BPNT1: variants seen among roughly 807,000 people sequenced by gnomAD.
The protein encoded by BPNT1 is 3'(2'),5'-bisphosphate nucleotidase 1.
A neutral mutation model predicts 36.9 loss-of-function variants in BPNT1; 28 were observed. The ratio of observed to expected loss-of-function variants is 0.76; its 90% CI spans 0.56 to 1.04. The LOEUF (loss-of-function observed/expected upper bound fraction) is 1.04. Among genes scored for constraint, BPNT1 ranks in the 50% least tolerant of loss-of-function variants. The pLI is 0.00. For missense variants in BPNT1, 313 were observed against 372.9 expected (o/e 0.84, Z 1.32); for synonymous variants, 119 against 130.9 (o/e 0.91, Z 0.62).
chr1:220,059,690 C>A lies in BPNT1; in HGVS notation c.774G>T (p.Val258=). The change falls in exon 8 of 9, where the codon GTG becomes GTT. Residue 258 remains valine (V), a synonymous_variant. Coordinates refer to ENST00000322067, the MANE Select transcript of BPNT1 (RefSeq NM_006085.6). ...CCTCAAATAAAACAGACTAACCTCC[C>A]ACAGCATGTAAAATAACTTCTGGAG... ...TCAPEVILHA[V]GGKLTDIHGN... The A allele has an allele frequency of 6.2e-7, 1 of 1,604,116 alleles. No individual in the cohort carries two copies. Among genetic ancestry groups the A allele is most frequent in the Non-Finnish European group, 8.5e-7 (1 of 1,175,770 alleles).
intron 7 of BPNT1, among the ~76,000 whole-genome samples, chr1:220,060,693 A>G (rs1394592197): frequency 6.6e-6 from 1 of 151,992 alleles, no homozygotes; most frequent in African/African-American, 2.4e-5. Flanking sequence ...ATTTGAAGAG[A>G]TTTATTCTAA....
At chr1:220,069,274 T>C in intron 5 of BPNT1, 110 bp downstream of exon 5, 1 of 800,718 alleles carries the variant, frequency 1.2e-6, no homozygotes, top group East Asian at 2.8e-5. Context: ...GGGGTAAACA[T>C]AACACATGAT....
chr1:220,072,527 C>T (rs1664160197), intron 4 of BPNT1, among the ~76,000 whole-genome samples: 1 of 152,116 alleles, frequency 6.6e-6, no homozygotes, highest in African/African-American at 2.4e-5. Flanking sequence ...GTTGCCGAGT[C>T]TGGTCTCGAA....
chr1:220,068,972 G>C (rs1022164912), intron 5 of BPNT1, among the ~76,000 whole-genome samples: 2 of 152,182 alleles, frequency 1.3e-5, no homozygotes, highest in Non-Finnish European at 2.9e-5. Context: ...GCTATGAAAT[G>C]TGAAAGCAGT....
chr1:220,064,350 G>T (rs1027872149), intron 6 of BPNT1, among the ~76,000 whole-genome samples: 5 of 152,188 alleles, frequency 3.3e-5, no homozygotes, highest in African/African-American at 7.2e-5. Flanking sequence ...CGCAGGTTGG[G>T]TTCCCTGGGA....
At chr1:220,088,150 C>T (rs912725792) in intron 1 of BPNT1, among the ~76,000 whole-genome samples, 1 of 151,704 alleles carries the variant, frequency 6.6e-6, no homozygotes, top group African/African-American at 2.4e-5. Context: ...GGATTACAGG[C>T]GTGAGCCACC....
chr1:220,069,336 T>A (rs767756944), intron 5 of BPNT1, 48 bp downstream of exon 5: 1 of 1,390,208 alleles, frequency 7.2e-7, no homozygotes, highest in South Asian at 1.3e-5. Flanking sequence ...ACTAACATCA[T>A]ATCCTTGTCC....
chr1:220,060,678 A>T (rs557952796), intron 7 of BPNT1, among the ~76,000 whole-genome samples: 105 of 152,048 alleles, frequency 6.9e-4, no homozygotes, highest in African/African-American at 2.3e-3. Context: ...TTTTTTTTTA[A>T]AAATATTTGA....
At chr1:220,071,404 ATGTTTTAC>A (rs926791843) in intron 4 of BPNT1, among the ~76,000 whole-genome samples, 17 of 152,178 alleles carry the variant, frequency 1.1e-4, no homozygotes, top group Non-Finnish European at 2.9e-5. Context: ...TTACCAATGA[ATGTTTTAC>A]TAGCAAATCT....
At chr1:220,087,373 G>T (rs1055113306) in intron 1 of BPNT1, among the ~76,000 whole-genome samples, 2 of 152,040 alleles carry the variant, frequency 1.3e-5, no homozygotes, top group African/African-American at 4.8e-5. Flanking sequence ...TGACCAACTT[G>T]GTGAAACCCT....
At chr1:220,089,146 G>A (rs548625801) in intron 1 of BPNT1, among the ~76,000 whole-genome samples, 1 of 149,004 alleles carries the variant, frequency 6.7e-6, no homozygotes, top group Non-Finnish European at 1.5e-5. Context: ...GAAGGAGGAG[G>A]AAGAAGAAGA....
chr1:220,062,956 T>C lies in BPNT1; in HGVS notation c.475-2A>G. 2 of 1,614,056 alleles carry C rather than the reference T, an allele frequency of 1.2e-6. No individual in the cohort carries two copies. Among genetic ancestry groups the C allele is most frequent in the Non-Finnish European group, 1.7e-6 (2 of 1,179,948 alleles). ...CCCCAACACAGCATCTGGTCCTGCCTGTGTAAACGAGTGAAACAACAAGAC... is the reference window on the plus strand; with the variant it reads ...CCCCAACACAGCATCTGGTCCTGCCCGTGTAAACGAGTGAAACAACAAGAC... On this transcript the variant is annotated splice_acceptor_variant, in intron 6 of 8. Transcript: ENST00000322067. LOFTEE classifies it high-confidence loss of function.
In BPNT1 at chr1:220,089,319, T is replaced by G. The variant is rs547903256; in HGVS notation, c.-9+367A>C. Reference sequence around the variant, plus strand: ...CGTATCTTTTGAACCAACAATTATATTTACAGAGAAATCCAAATAAATCAC... The same window carrying G: ...CGTATCTTTTGAACCAACAATTATAGTTACAGAGAAATCCAAATAAATCAC... On this transcript the variant is annotated intron_variant, in intron 1 of 8. Coordinates refer to ENST00000322067, the MANE Select transcript of BPNT1 (RefSeq NM_006085.6). Among the ~76,000 whole-genome samples, 14 of 152,246 alleles carry G rather than the reference T, an allele frequency of 9.2e-5. No individual in the cohort carries two copies. In the South Asian group the frequency reaches 2.9e-3, roughly 32 times the overall value.
intron 1 of BPNT1, among the ~76,000 whole-genome samples, chr1:220,083,190 T>A (rs1219137786): frequency 1.4e-5 from 2 of 140,706 alleles, no homozygotes; most frequent in Admixed American, 1.4e-4. Flanking sequence ...TGGGCCGAGA[T>A]CGTGCCAGTG....
At chr1:220,070,050 A>G (rs1219338041) in intron 4 of BPNT1, among the ~76,000 whole-genome samples, 1 of 152,236 alleles carries the variant, frequency 6.6e-6, no homozygotes, top group Non-Finnish European at 1.5e-5. Context: ...ATCATGGTAC[A>G]GGAAAAACTT....
At chr1:220,068,974 G>A (rs1259793399) in intron 5 of BPNT1, among the ~76,000 whole-genome samples, 1 of 152,204 alleles carries the variant, frequency 6.6e-6, no homozygotes, top group African/African-American at 2.4e-5. Context: ...TATGAAATGT[G>A]AAAGCAGTTC....
In BPNT1 at chr1:220,069,420, C is replaced by A. The variant is rs1273524520; in HGVS notation, c.346G>T (p.Val116Phe). The change falls in exon 5 of 9, where the codon GTT becomes TTT. Residue 116 changes from valine to phenylalanine, a missense_variant. Coordinates refer to ENST00000322067, the MANE Select transcript of BPNT1 (RefSeq NM_006085.6). Reference sequence around the variant, plus strand: ...TCCTTGGTTCCATCCAGAGGATCAACCCAGACCACGAGCTAAAATTAAAAA... The same window carrying A: ...TCCTTGGTTCCATCCAGAGGATCAAACCAGACCACGAGCTAAAATTAAAAA... ...AIKEEDLVVW[V>F]DPLDGTKEYT... The A allele has an allele frequency of 6.2e-7, 1 of 1,603,262 alleles. No homozygotes were observed. Among genetic ancestry groups the A allele is most frequent in the Non-Finnish European group, 8.5e-7 (1 of 1,175,854 alleles).
chr1:220,060,462 C>A lies in BPNT1; in HGVS notation c.673-671G>T, dbSNP rs547571875. Among the ~76,000 whole-genome samples the A allele has an allele frequency of 1.9e-3, 286 of 151,912 alleles. 2 individuals carry two copies. Among genetic ancestry groups the A allele is most frequent in the African/African-American group, 6.8e-3 (281 of 41,408 alleles). On this transcript the variant is annotated intron_variant, in intron 7 of 8. Coordinates refer to ENST00000322067, the MANE Select transcript of BPNT1 (RefSeq NM_006085.6). ...CTTCACTCCAGCCTGGGCGACAGAG[C>A]GAGACTCTGTCTCAAACAAACAAAA... is the stretch of plus-strand genomic sequence containing the variant.
rs984625940 is a variant in BPNT1 at position 220,058,625 on chromosome 1, G to A, written c.*219C>T. 4.7e-5 allele frequency: 36 copies of A among 765,956 alleles called. No individual in the cohort carries two copies. The highest frequency in any genetic ancestry group is 2.2e-4 in the Admixed American group (6 of 27,212). 47.4% of individuals were successfully genotyped at this position (765,956 alleles called of 1,614,324 possible). On this transcript the variant is annotated 3_prime_UTR_variant, in exon 9 of 9. Transcript: ENST00000322067. ...CAGCTCACTGCAACCTCTGCCTTCC[G>A]GGCTCAAGAGATTCTTCTGCTTCAG...
Sources: gnomAD v4.1 joint callset for allele counts (sites outside exome capture counted in the v4.1 genomes callset) on GRCh38, gnomAD v4.1.1 for gene constraint, MANE v1.5 for transcripts, NCBI Gene and HGNC (gene_info 2026-07-23, HGNC 2026-07-21) for gene names.